The following KLRG1 variants were observed in gnomAD, a reference collection of about 807,000 sequenced individuals.
KLRG1 encodes the protein killer cell lectin like receptor G1.
A neutral mutation model predicts 21.8 loss-of-function variants in KLRG1; 16 were observed. The ratio of observed to expected loss-of-function variants is 0.73; its 90% confidence interval spans 0.50 to 1.11. The LOEUF (loss-of-function observed/expected upper bound fraction) is 1.11. Ranked by LOEUF, KLRG1 falls within the 50% of genes most tolerant of loss-of-function variation. The pLI, the probability that KLRG1 is intolerant of heterozygous loss-of-function variation, is 0.00. For missense variants in KLRG1, 173 were observed against 218.3 expected (o/e 0.79, Z 1.31); for synonymous variants, 69 against 75.9 (o/e 0.91, Z 0.47).
the KLRG1 span, chr12:9,089,989 T>C: frequency 3.1e-6 from 5 of 1,606,092 alleles, no homozygotes; most frequent in African/African-American, 1.3e-5. Flanking sequence ...CTTGAGACTC[T>C]AGTGCCTCTG....
At chr12:9,169,012 G>A in the KLRG1 span, 1 of 1,415,590 alleles carries the variant, frequency 7.1e-7, no homozygotes, top group Non-Finnish European at 1.0e-6. Flanking sequence ...TTGTAAGCTT[G>A]ATTAGAATAT....
chr12:9,076,729 G>A, the KLRG1 span: 9 of 1,613,144 alleles, frequency 5.6e-6, no homozygotes, highest in Non-Finnish European at 7.6e-6. Context: ...GGATGGGCCA[G>A]GAGAAGGATC....
chr12:9,062,949 G>A, the KLRG1 span, among the ~76,000 whole-genome samples: 10 of 151,984 alleles, frequency 6.6e-5, no homozygotes, highest in East Asian at 3.9e-4. Context: ...TAACTAGAAT[G>A]TTAAAGTGGC....
chr12:9,153,668 T>A, the KLRG1 span, among the ~76,000 whole-genome samples: 1 of 152,234 alleles, frequency 6.6e-6, no homozygotes, highest in Non-Finnish European at 1.5e-5. Flanking sequence ...AGTAGATGAT[T>A]GACCAGTTAG....
At chr12:8,969,041 T>C (rs1946525203) in intron 1 of KLRG1, among the ~76,000 whole-genome samples, 2 of 152,216 alleles carry the variant, frequency 1.3e-5, no homozygotes, top group East Asian at 3.8e-4. Flanking sequence ...AAGTTTATCC[T>C]CAACAAAGCT....
At chr12:8,977,766 T>C (rs1946682226) in intron 1 of KLRG1, among the ~76,000 whole-genome samples, 1 of 152,212 alleles carries the variant, frequency 6.6e-6, no homozygotes, top group Admixed American at 6.5e-5. Context: ...AAATAACTTG[T>C]TGTTAAAATA....
chr12:9,095,228 A>G, the KLRG1 span: 1 of 523,406 alleles, frequency 1.9e-6, no homozygotes, highest in Non-Finnish European at 3.3e-6. Context: ...GGATATTTAT[A>G]TACTTAAGGA....
chr12:9,143,367 A>G, the KLRG1 span, among the ~76,000 whole-genome samples: 1 of 152,116 alleles, frequency 6.6e-6, no homozygotes, highest in Non-Finnish European at 1.5e-5. Flanking sequence ...CAGGTGGAGA[A>G]GGAGGAAGAG....
At chr12:9,102,573 A>C in the KLRG1 span, among the ~76,000 whole-genome samples, 2 of 152,090 alleles carry the variant, frequency 1.3e-5, no homozygotes, top group Non-Finnish European at 2.9e-5. Flanking sequence ...CAGAGGCCCT[A>C]TTTGGGTTAT....
At chr12:9,033,092 G>A in the KLRG1 span, among the ~76,000 whole-genome samples, 15 of 152,270 alleles carry the variant, frequency 9.9e-5, no homozygotes, top group East Asian at 1.9e-4. Context: ...AGAAACTGCC[G>A]GTGATTACAT....
downstream of KLRG1, among the ~76,000 whole-genome samples, chr12:9,013,433 G>A (rs1248908322): frequency 2.0e-5 from 3 of 152,172 alleles, no homozygotes; most frequent in Non-Finnish European, 4.4e-5. Flanking sequence ...GACAGAGAAT[G>A]TGAAATAGCT....
At chr12:9,112,376 C>T in the KLRG1 span, 2 of 1,613,276 alleles carry the variant, frequency 1.2e-6, no homozygotes, top group Non-Finnish European at 1.7e-6. Context: ...CTTCTTCATA[C>T]CTGTCTGCCC....
At chr12:9,001,146 CT>C (rs1366477708) in intron 3 of KLRG1, among the ~76,000 whole-genome samples, 1 of 152,086 alleles carries the variant, frequency 6.6e-6, no homozygotes, top group Non-Finnish European at 1.5e-5. Flanking sequence ...TATATTTTTA[CT>C]CAATCTTGAG....
the KLRG1 span, chr12:9,104,165 AT>A: frequency 6.8e-7 from 1 of 1,468,044 alleles, no homozygotes; most frequent in South Asian, 1.3e-5. Context: ...CAGTTTGGAA[AT>A]TTTCTCACCC....
intron 3 of KLRG1, among the ~76,000 whole-genome samples, chr12:9,000,303 C>T (rs895397550): frequency 9.9e-5 from 15 of 152,132 alleles, no homozygotes; most frequent in African/African-American, 3.1e-4. Context: ...TCTTTTGTCA[C>T]GCTTCTTTAT....
At chr12:9,192,569 G>A in the KLRG1 span, 1 of 1,614,204 alleles carries the variant, frequency 6.2e-7, no homozygotes, top group Non-Finnish European at 8.5e-7. Context: ...TCAGTGTATA[G>A]TGTGCCGTGA....
At chr12:9,152,282 T>C in the KLRG1 span, 3 of 1,613,112 alleles carry the variant, frequency 1.9e-6, no homozygotes, top group African/African-American at 2.7e-5. Flanking sequence ...ACAATCACCA[T>C]ATTGGAAGCA....
At chr12:9,134,818 G>A in the KLRG1 span, among the ~76,000 whole-genome samples, 2 of 152,174 alleles carry the variant, frequency 1.3e-5, no homozygotes, top group Non-Finnish European at 2.9e-5. Context: ...TGCAGCCAGG[G>A]GTGGAGGCAG....
chr12:9,052,824 G>A, the KLRG1 span: 1,431 of 455,618 alleles, frequency 3.1e-3, 25 homozygotes, highest in African/African-American at 0.026. Flanking sequence ...ATGTGATTGT[G>A]AGGATAAAAT....
Sources: allele counts gnomAD v4.1 joint callset (sites outside exome capture counted in the v4.1 genomes callset), GRCh38; gene constraint gnomAD v4.1.1; transcripts MANE v1.5; gene names NCBI Gene and HGNC (gene_info 2026-07-23, HGNC 2026-07-21).